The following ELAVL2 variants were observed in gnomAD, a reference collection of about 807,000 sequenced individuals.
ELAVL2 encodes ELAV like RNA binding protein 2, also known as ELAV-like protein 2.
In ELAVL2, 4 loss-of-function variants were observed where a neutral mutation model predicts 34.6. The ratio of observed to expected loss-of-function variants is 0.12; its 90% CI spans 0.06 to 0.26. The LOEUF is 0.26. Ranked by LOEUF, ELAVL2 falls within the 10% of genes least tolerant of loss-of-function variation. ELAVL2 has a pLI of 1.00. For missense variants in ELAVL2, 432 were observed against 442.8 expected (o/e 0.98, Z 0.22); for synonymous variants, 193 against 154.8 (o/e 1.25, Z -1.83).
intron 1 of ELAVL2, among the ~76,000 whole-genome samples, chr9:23,797,228 C>T (rs1350158583): frequency 6.6e-6 from 1 of 152,186 alleles, no homozygotes; most frequent in Non-Finnish European, 1.5e-5. Context: ...AAGTGAACCT[C>T]TATCCTCTGT....
the ELAVL2 span, among the ~76,000 whole-genome samples, chr9:23,842,857 C>A: frequency 6.6e-6 from 1 of 152,070 alleles, no homozygotes; most frequent in African/African-American, 2.4e-5. Flanking sequence ...GAAAACATTC[C>A]CCCTACTTTA....
chr9:23,783,365 T>C (rs1244106611), intron 1 of ELAVL2: 1 of 801,856 alleles, frequency 1.2e-6, no homozygotes, highest in Non-Finnish European at 1.5e-6. Flanking sequence ...TTAAATGGAG[T>C]AACTCCAAGG....
intron 3 of ELAVL2, among the ~76,000 whole-genome samples, chr9:23,711,157 G>A (rs141490166): frequency 1.3e-5 from 2 of 152,240 alleles, no homozygotes; most frequent in African/African-American, 2.4e-5. Context: ...CAAAGTTAGA[G>A]CTAAAAGAAA....
At chr9:23,788,631 A>C (rs1324146494) in intron 1 of ELAVL2, among the ~76,000 whole-genome samples, 1 of 152,174 alleles carries the variant, frequency 6.6e-6, no homozygotes, top group Non-Finnish European at 1.5e-5. Context: ...TCACCTTTTT[A>C]CTTAAAGGGA....
chr9:23,744,183 C>G (rs2049952812), intron 2 of ELAVL2, among the ~76,000 whole-genome samples: 1 of 152,098 alleles, frequency 6.6e-6, no homozygotes, highest in African/African-American at 2.4e-5. Flanking sequence ...ATGCTCGCCC[C>G]CACCTATTAT....
the ELAVL2 span, chr9:23,847,127 G>A: frequency 1.3e-5 from 2 of 152,028 alleles, no homozygotes; most frequent in African/African-American, 4.8e-5. Context: ...ACTATTAAAA[G>A]TTAACTTCTT....
rs1269838224 is a variant in ELAVL2, at chr9:23,745,821, G to GCTA, written c.230-14699_230-14697dup. Among the ~76,000 whole-genome samples, 6 of 152,240 alleles carry GCTA rather than the reference G, an allele frequency of 3.9e-5. No homozygotes were observed. In the East Asian group the frequency reaches 1.2e-3, roughly 29 times the overall value. On this transcript the variant is annotated intron_variant, in intron 2 of 6. Coordinates refer to ENST00000397312, the MANE Select transcript of ELAVL2 (RefSeq NM_004432.5). ...ACCACAAGATATATGGCTCTCCTTA[G>GCTA]CTACTAAAAGCAATGGGAGTCACCA...
At chr9:23,719,719 C>T (rs1435441937) in intron 3 of ELAVL2, among the ~76,000 whole-genome samples, 2 of 152,042 alleles carry the variant, frequency 1.3e-5, no homozygotes, top group Non-Finnish European at 2.9e-5. Context: ...TATTGAGGCC[C>T]TGGCTAGAAA....
At chr9:23,696,936 A>T (rs2035475323) in intron 5 of ELAVL2, among the ~76,000 whole-genome samples, 1 of 151,512 alleles carries the variant, frequency 6.6e-6, no homozygotes, top group African/African-American at 2.4e-5. Flanking sequence ...ATATAAAATA[A>T]ATATGTATTT....
rs531237320 is a variant in ELAVL2, at chr9:23,730,891, C to CAAA, written c.333+128_333+130dup. 253 of 816,718 alleles carry CAAA rather than the reference C, an allele frequency of 3.1e-4. 3 individuals are homozygous for CAAA. In the South Asian group the frequency reaches 4.9e-3, roughly 16 times the overall value. 50.6% of individuals were successfully genotyped at this position (816,718 alleles called of 1,614,324 possible). A position where few individuals can be genotyped will look rare whatever the true frequency, so the allele number is the denominator to read the frequency against. On this transcript the variant is annotated intron_variant, in intron 3 of 6. Coordinates refer to ENST00000397312, the MANE Select transcript of ELAVL2 (RefSeq NM_004432.5). ...GTTTCTTCCATCTTGCAACAAACACCAAAATTCCACTATGTCTCCCAGGTA... is the reference window on the plus strand; with the variant it reads ...GTTTCTTCCATCTTGCAACAAACACCAAAAAAATTCCACTATGTCTCCCAGGTA...
chr9:23,785,364 C>T (rs1220072731), intron 1 of ELAVL2, among the ~76,000 whole-genome samples: 1 of 152,096 alleles, frequency 6.6e-6, no homozygotes, highest in Non-Finnish European at 1.5e-5. Context: ...AGTAAGAGCC[C>T]ACACATAGAC....
chr9:23,705,686 C>A (rs2039086922), intron 3 of ELAVL2, among the ~76,000 whole-genome samples: 3 of 152,174 alleles, frequency 2.0e-5, no homozygotes, highest in Non-Finnish European at 4.4e-5. Flanking sequence ...CTTGCATGTG[C>A]AGTTCAAAAT....
intron 3 of ELAVL2, among the ~76,000 whole-genome samples, chr9:23,714,933 C>G (rs554359284): frequency 2.0e-5 from 3 of 152,290 alleles, no homozygotes; most frequent in African/African-American, 7.2e-5. Context: ...ACTCACTAGT[C>G]AGTACTCAGT....
At chr9:23,785,532 ACTTT>A (rs1191487081) in intron 1 of ELAVL2, among the ~76,000 whole-genome samples, 5 of 152,228 alleles carry the variant, frequency 3.3e-5, no homozygotes, top group African/African-American at 1.2e-4. Flanking sequence ...ATTTTGCATT[ACTTT>A]AAGGATAGTG....
intron 5 of ELAVL2, among the ~76,000 whole-genome samples, chr9:23,699,704 GCTTT>G (rs1318714227): frequency 2.6e-5 from 4 of 151,658 alleles, no homozygotes; most frequent in African/African-American, 4.8e-5. Context: ...CTGAAAAAGG[GCTTT>G]CTTTGTGAGA....
rs370743814 is a variant in ELAVL2, at chr9:23,764,044, T to G, written c.-15-1795A>C. Among the ~76,000 whole-genome samples, 23 of 152,280 alleles carry G rather than the reference T, an allele frequency of 1.5e-4. No homozygotes were observed. The East Asian group carries it at 4.1e-3, about 27-fold the overall frequency. ...GAATTTGAAAAGGGAAGTTTCAGAT[T>G]TCCTAATTAAACATAACTGTTCTGG... On this transcript the variant is annotated intron_variant, in intron 1 of 6. Coordinates refer to ENST00000397312, the MANE Select transcript of ELAVL2 (RefSeq NM_004432.5).
At chr9:23,845,801 G>A in the ELAVL2 span, among the ~76,000 whole-genome samples, 1 of 151,462 alleles carries the variant, frequency 6.6e-6, no homozygotes, top group Admixed American at 6.6e-5. Flanking sequence ...TAAAAAAAAA[G>A]TAAGGCAATT....
chr9:23,763,869 T>C (rs1198244001), intron 1 of ELAVL2, among the ~76,000 whole-genome samples: 2 of 152,188 alleles, frequency 1.3e-5, no homozygotes, highest in Non-Finnish European at 2.9e-5. Context: ...TGGGAATTTA[T>C]TCTACAAGCT....
At chr9:23,752,836 CTAATTT>C (rs2052485034) in intron 2 of ELAVL2, among the ~76,000 whole-genome samples, 1 of 151,448 alleles carries the variant, frequency 6.6e-6, no homozygotes, top group Non-Finnish European at 1.5e-5. Context: ...AATCTTTGTT[CTAATTT>C]AGAACAATAC....
Sources: gnomAD v4.1 joint callset for allele counts (sites outside exome capture counted in the v4.1 genomes callset) on GRCh38, gnomAD v4.1.1 for gene constraint, MANE v1.5 for transcripts, NCBI Gene and HGNC (gene_info 2026-07-23, HGNC 2026-07-21) for gene names.